AOX1: variants seen among roughly 807,000 people sequenced by gnomAD.
The protein encoded by AOX1 is aldehyde oxidase.
Under a neutral mutation model 169.5 loss-of-function variants are expected in AOX1, and 153 were observed. The ratio of observed to expected loss-of-function variants is 0.90; its 90% confidence interval spans 0.79 to 1.03. The LOEUF (loss-of-function observed/expected upper bound fraction) is 1.03. AOX1 is among the 50% of genes least tolerant of loss of function. AOX1 has a pLI of 0.00. For missense variants in AOX1, 1,656 were observed against 1,663.9 expected, an observed-to-expected ratio of 1.00 and a Z score of 0.08; for synonymous variants, 562 against 581.9, an observed-to-expected ratio of 0.97 and a Z score of 0.49.
At chr2:200,604,635 A>C in intron 8 of AOX1, 61 bp from the exon 9 acceptor site, 1 of 1,554,364 alleles carries the variant, frequency 6.4e-7, no homozygotes, top group African/African-American at 1.4e-5. Flanking sequence ...CTAATGATTG[A>C]GTGGAAACAG....
intron 20 of AOX1, among the ~76,000 whole-genome samples, chr2:200,627,982 C>T (rs901415855): frequency 1.3e-5 from 2 of 152,046 alleles, no homozygotes; most frequent in African/African-American, 4.8e-5. Flanking sequence ...TCCCTTTCTC[C>T]TTTCTCTTTC....
At chr2:200,621,856 G>T (rs980938748) in intron 18 of AOX1, among the ~76,000 whole-genome samples, 1 of 152,080 alleles carries the variant, frequency 6.6e-6, no homozygotes, top group African/African-American at 2.4e-5. Context: ...GGGTTCAAGC[G>T]ATTCTCCTGC....
chr2:200,650,183 G>A (rs1378555533), intron 25 of AOX1, among the ~76,000 whole-genome samples: 2 of 152,192 alleles, frequency 1.3e-5, no homozygotes, highest in Non-Finnish European at 2.9e-5. Flanking sequence ...CACTAAGGAG[G>A]AGAATTACAT....
rs1480420771 is a variant in AOX1 at position 200,620,756 on chromosome 2, C to T, written c.1811C>T (p.Pro604Leu). The change falls in exon 17 of 35, where the codon CCT (proline) becomes CTT (leucine). Residue 604 changes from proline to leucine, a missense_variant. By Grantham distance (98) the Pro-to-Leu change is moderately conservative. Transcript: ENST00000374700. ...GAGGCCATCTACTGTGATGACATGCCTCTGGTGGACCAGGAACTTTTCTTG... is the reference window on the plus strand; with the variant it reads ...GAGGCCATCTACTGTGATGACATGCTTCTGGTGGACCAGGAACTTTTCTTG... ...TGEAIYCDDM[P>L]LVDQELFLTF... 4.3e-6 allele frequency: 7 copies of T among 1,609,360 alleles called. No homozygotes were observed. In the Middle Eastern group the frequency reaches 5.0e-4, roughly 114 times the overall value.
At chr2:200,638,928 GA>G (rs1459672690) in intron 23 of AOX1, among the ~76,000 whole-genome samples, 36 of 152,016 alleles carry the variant, frequency 2.4e-4, no homozygotes, top group African/African-American at 8.5e-4. Flanking sequence ...ATTGAGGGGG[GA>G]AAGGGGAGGA....
chr2:200,603,474 C>T (rs1197269847), intron 7 of AOX1, 118 bp downstream of exon 7: 5 of 700,880 alleles, frequency 7.1e-6, no homozygotes, highest in Non-Finnish European at 1.2e-5. Context: ...TCAACATGTG[C>T]CCTCTCCCAT....
chr2:200,635,104 C>T (rs2035204251), intron 21 of AOX1, among the ~76,000 whole-genome samples, 189 bp downstream of exon 21: 1 of 151,990 alleles, frequency 6.6e-6, no homozygotes, highest in Admixed American at 6.6e-5. Context: ...AGAGTGAGAC[C>T]CTGTCTCTAA....
At chr2:200,667,249 TC>T (rs2035938869) in intron 32 of AOX1, among the ~76,000 whole-genome samples, 1 of 152,206 alleles carries the variant, frequency 6.6e-6, no homozygotes, top group Non-Finnish European at 1.5e-5. Flanking sequence ...ATCTAGTTTC[TC>T]TTGAAAACAG....
chr2:200,669,775 C>A, intron 34 of AOX1, 33 bp downstream of exon 34: 1 of 1,600,896 alleles, frequency 6.2e-7, no homozygotes, highest in South Asian at 1.1e-5. Context: ...AAATAGTGAT[C>A]ATAAAATTCT....
At position 200,621,238 on chromosome 2, in the gene AOX1, A is replaced by T; in HGVS notation, c.1993A>T (p.Thr665Ser). The T allele has an allele frequency of 6.2e-7, 1 of 1,613,924 alleles. No homozygotes were observed. Among genetic ancestry groups the T allele is most frequent in the Non-Finnish European group, 8.5e-7 (1 of 1,179,968 alleles). The change falls in exon 18 of 35, where the codon ACA becomes TCA. Residue 665 changes from threonine to serine, a missense_variant. Physicochemically the swap from Thr to Ser is moderately conservative, Grantham distance 58. Transcript: ENST00000374700. ...TACTGAAGCTGAGAAATTTCTGGCG[A>T]CAGATAAGGTACTGCATTTTTGCTT... Reference protein sequence around the residue: ...FFTEAEKFLATDKVFCVGQLV... With the variant: ...FFTEAEKFLASDKVFCVGQLV...
At position 200,630,210 on chromosome 2, in the gene AOX1, T is replaced by TAAAA. The variant is rs57410809; in HGVS notation, c.2221+2785_2221+2788dup. Reference sequence around the variant, plus strand: ...TCAATGTAGCAAGACTCCTTCTATTTAAAAAAAAAAAAAAAAAAAAAAAAA... The same window carrying TAAAA: ...TCAATGTAGCAAGACTCCTTCTATTTAAAAAAAAAAAAAAAAAAAAAAAAAAAAA... On this transcript the variant is annotated intron_variant, in intron 20 of 34. Transcript: ENST00000374700. Among the ~76,000 whole-genome samples, 124 of 95,516 alleles carry TAAAA rather than the reference T, an allele frequency of 1.3e-3. 2 individuals are homozygous for TAAAA. The highest frequency in any genetic ancestry group is 2.2e-3 in the African/African-American group (49 of 21,876). The allele number at this position is 95,516 out of a possible 152,430, so 62.7% of individuals were successfully genotyped here.
Position 200,638,268 on chromosome 2 carries a change from C to A in AOX1, c.2534C>A (p.Thr845Asn), listed in dbSNP as rs1340186102. ...GAACGAGGAGAAGACATGTTAATAACTGGAGGCCGCCATCCTTACCTTGGA... is the reference window on the plus strand; with the variant it reads ...GAACGAGGAGAAGACATGTTAATAAATGGAGGCCGCCATCCTTACCTTGGA... ...VLERGEDMLI[T>N]GGRHPYLGKY... Residue 845 changes from threonine (T) to asparagine (N), a missense_variant, in exon 23 of 35, where the codon ACT becomes AAT. Coordinates refer to ENST00000374700, the MANE Select transcript of AOX1 (RefSeq NM_001159.4). The A allele has an allele frequency of 6.2e-7, 1 of 1,613,634 alleles. No individual in the cohort carries two copies. Among genetic ancestry groups the A allele is most frequent in the East Asian group, 2.2e-5 (1 of 44,890 alleles).
intron 1 of AOX1, among the ~76,000 whole-genome samples, chr2:200,586,389 T>C (rs1029204804): frequency 1.3e-5 from 2 of 152,092 alleles, no homozygotes; most frequent in African/African-American, 2.4e-5. Flanking sequence ...TTCCTTATGT[T>C]CCCCTTTCCT....
chr2:200,608,938 A>G (rs2105705419), intron 10 of AOX1, 46 bp from the exon 11 acceptor site: 1 of 1,571,524 alleles, frequency 6.4e-7, no homozygotes, highest in Non-Finnish European at 8.7e-7. Context: ...ACATTTTCAG[A>G]TCAGCAGTGA....
intron 19 of AOX1, among the ~76,000 whole-genome samples, chr2:200,625,042 C>A (rs1034849737): frequency 1.3e-5 from 2 of 152,036 alleles, no homozygotes; most frequent in African/African-American, 4.8e-5. Context: ...TGCTTAGGAA[C>A]ATGGAGTTTG....
At chr2:200,626,998 G>T (rs1559244798) in intron 19 of AOX1, among the ~76,000 whole-genome samples, 1 of 152,212 alleles carries the variant, frequency 6.6e-6, no homozygotes, top group South Asian at 2.1e-4. Context: ...TGGGTCTAGA[G>T]CCCAGGCTCT....
chr2:200,629,608 T>C (rs193154040), intron 20 of AOX1, among the ~76,000 whole-genome samples: 253 of 152,264 alleles, frequency 1.7e-3, no homozygotes, highest in Non-Finnish European at 2.6e-3. Flanking sequence ...TCCAGGTAAT[T>C]CTTAGGGCTA....
At chr2:200,588,726 C>CATTTTTTTTTTTTTTTTT (rs2034095756) in intron 1 of AOX1, among the ~76,000 whole-genome samples, 1 of 53,986 alleles carries the variant, frequency 1.9e-5, no homozygotes, top group Non-Finnish European at 3.9e-5. Flanking sequence ...CTAGAATAAG[C>CATTTTTTTTTTTTTTTTT]TTTTTTTTTT....
chr2:200,645,904 C>T (rs1275310702), intron 25 of AOX1, among the ~76,000 whole-genome samples: 1 of 152,066 alleles, frequency 6.6e-6, no homozygotes, highest in African/African-American at 2.4e-5. Flanking sequence ...TCAGTGTTGT[C>T]AGTTGTAATA....
Sources: gnomAD v4.1 joint callset for allele counts (sites outside exome capture counted in the v4.1 genomes callset) on GRCh38, gnomAD v4.1.1 for gene constraint, MANE v1.5 for transcripts, NCBI Gene and HGNC (gene_info 2026-07-23, HGNC 2026-07-21) for gene names.